Variants in WDFY4 observed in about 807,000 individuals in gnomAD.
WDFY4 encodes the protein WDFY family member 4.
WDFY4 carries 169 observed loss-of-function variants against 351.9 expected under a neutral mutation model. That is an observed-to-expected ratio of 0.48 (90% confidence interval 0.42 to 0.55). WDFY4 has a LOEUF of 0.55. WDFY4 is among the 20% of genes least tolerant of loss of function. WDFY4 has a pLI of 0.00. For synonymous variants in WDFY4, 1,622 were observed against 1,574.6 expected, an observed-to-expected ratio of 1.03 and a Z score of -0.71; for missense variants, 3,803 against 3,935.6, an observed-to-expected ratio of 0.97 and a Z score of 0.90.
intron 53 of WDFY4, among the ~76,000 whole-genome samples, chr10:48,962,574 G>A (rs760915429): frequency 3.3e-5 from 5 of 152,164 alleles, no homozygotes; most frequent in Admixed American, 1.3e-4. Context: ...TGCCAACCTG[G>A]GTCCCCCATT....
intron 11 of WDFY4, among the ~76,000 whole-genome samples, chr10:48,742,492 A>C (rs1031382725): frequency 1.3e-5 from 2 of 152,174 alleles, no homozygotes; most frequent in Non-Finnish European, 2.9e-5. Context: ...GGTTCATCCC[A>C]CTCATTTAGC....
chr10:48,743,361 C>T lies in WDFY4; in HGVS notation c.2272C>T (p.Pro758Ser), dbSNP rs2132418402. The T allele has an allele frequency of 1.9e-6, 3 of 1,551,658 alleles. No homozygotes were observed. Among genetic ancestry groups the T allele is most frequent in the Non-Finnish European group, 2.6e-6 (3 of 1,147,002 alleles). ...CTTTTCCTCCAGCGGCTCACTCCCA[C>T]CCCGGATACAGAGCTGCCTCCAGAT... The part of the protein sequence containing the change: ...TAFSSSGSLP[P>S]RIQSCLQILG... Residue 758 changes from proline (P) to serine (S), a missense_variant, in exon 12 of 62, where the codon CCC becomes TCC. Physicochemically the swap from Pro to Ser is moderately conservative, Grantham distance 74. Around this residue, in one of 3 missense-constraint regions of WDFY4, gnomAD observed 3,054 missense variants for 3,148.6 expected, o/e 0.97. Coordinates refer to ENST00000325239, the MANE Select transcript of WDFY4 (RefSeq NM_001394531.1).
At chr10:48,746,951 C>T (rs1235150079) in intron 12 of WDFY4, among the ~76,000 whole-genome samples, 2 of 152,198 alleles carry the variant, frequency 1.3e-5, no homozygotes, top group Non-Finnish European at 2.9e-5. Flanking sequence ...TACCTACATG[C>T]TTTCAATGTC....
At chr10:48,845,099 G>A (rs747267476) in intron 39 of WDFY4, among the ~76,000 whole-genome samples, 19 of 152,232 alleles carry the variant, frequency 1.2e-4, no homozygotes, top group Non-Finnish European at 2.2e-4. Context: ...TTTGAGAGCA[G>A]AGAGAGGCCC....
At chr10:48,867,446 C>A in intron 40 of WDFY4, 104 bp downstream of exon 40, 1 of 620,734 alleles carries the variant, frequency 1.6e-6, no homozygotes, top group Non-Finnish European at 2.4e-6. Flanking sequence ...GATTGCTCAC[C>A]AGGCTTGCAC....
chr10:48,903,158 T>C (rs1432763499), intron 47 of WDFY4, among the ~76,000 whole-genome samples: 1 of 152,088 alleles, frequency 6.6e-6, no homozygotes, highest in Non-Finnish European at 1.5e-5. Context: ...GTAAAGAGTG[T>C]GTCAGACCCA....
chr10:48,901,699 C>A, intron 46 of WDFY4, 102 bp from the exon 47 acceptor site: 3 of 1,270,876 alleles, frequency 2.4e-6, no homozygotes, highest in Non-Finnish European at 3.4e-6. Context: ...CGAGGGGGAG[C>A]AATAATGAGC....
intron 43 of WDFY4, among the ~76,000 whole-genome samples, chr10:48,887,374 G>A (rs12248178): frequency 0.18 from 26,710 of 152,242 alleles, 2,987 homozygotes; most frequent in African/African-American, 0.31. Flanking sequence ...TAATCTTCCT[G>A]ATAGTCCTGG....
intron 10 of WDFY4, among the ~76,000 whole-genome samples, chr10:48,735,225 C>T (rs2064615911): frequency 6.6e-6 from 1 of 152,130 alleles, no homozygotes; most frequent in Non-Finnish European, 1.5e-5. Context: ...GTTTTTATTC[C>T]ACATGGATTA....
intron 14 of WDFY4, 66 bp downstream of exon 14, chr10:48,774,738 G>A: frequency 1.3e-6 from 2 of 1,523,464 alleles, no homozygotes; most frequent in African/African-American, 1.4e-5. Context: ...GGCAGGGGTT[G>A]CACAATGGGC....
At chr10:48,944,556 G>A (rs540732723) in intron 49 of WDFY4, among the ~76,000 whole-genome samples, 24 of 152,366 alleles carry the variant, frequency 1.6e-4, no homozygotes, top group South Asian at 1.2e-3. Flanking sequence ...CCAGTCCTGC[G>A]TAGGGCTGCT....
At chr10:48,690,141 A>G (rs1424482583) in intron 1 of WDFY4, among the ~76,000 whole-genome samples, 4 of 152,254 alleles carry the variant, frequency 2.6e-5, no homozygotes, top group Non-Finnish European at 5.9e-5. Flanking sequence ...AAACAAAATC[A>G]TTGCAGCAGG....
At chr10:48,859,479 G>A (rs892912619) in intron 39 of WDFY4, among the ~76,000 whole-genome samples, 1 of 152,064 alleles carries the variant, frequency 6.6e-6, no homozygotes, top group Admixed American at 6.6e-5. Flanking sequence ...ATGACCATGC[G>A]ATTTTCTTCT....
rs867464830 is a variant in WDFY4, at chr10:48,757,774, T to G, written c.2460-2573T>G. 8.3e-4 allele frequency among the ~76,000 whole-genome samples: 127 copies of G among 152,186 alleles called. 1 individual carries two copies. The Middle Eastern group carries it at 0.01, about 12-fold the overall frequency. On this transcript the variant is annotated intron_variant, in intron 12 of 61. Transcript: ENST00000325239. ...CTCCTTTTTTGTCTCTCCTTTTTTT[T>G]TAGTGCTTTCAATAGGGACTGCAGT...
intron 3 of WDFY4, among the ~76,000 whole-genome samples, chr10:48,720,486 C>T (rs2064047593): frequency 6.6e-6 from 1 of 151,792 alleles, no homozygotes; most frequent in Admixed American, 6.6e-5. Flanking sequence ...TACAGAGACA[C>T]ATACACATAC....
At chr10:48,734,115 A>G in intron 10 of WDFY4, 80 bp downstream of exon 10, 1 of 1,279,064 alleles carries the variant, frequency 7.8e-7, no homozygotes, top group African/African-American at 1.5e-5. Flanking sequence ...CAGTGTTCAC[A>G]GGTTATACTC....
At chr10:48,790,373 C>T (rs1246406627) in intron 22 of WDFY4, among the ~76,000 whole-genome samples, 1 of 152,226 alleles carries the variant, frequency 6.6e-6, no homozygotes, top group African/African-American at 2.4e-5. Flanking sequence ...CCCTGCCCAG[C>T]AGGATCTAGA....
At chr10:48,805,524 C>T (rs2067224705) in intron 26 of WDFY4, 103 bp downstream of exon 26, 1 of 1,414,182 alleles carries the variant, frequency 7.1e-7, no homozygotes, top group Non-Finnish European at 9.3e-7. Context: ...CCCTGAATCA[C>T]TTGGAACCTT....
chr10:48,979,381 C>T (rs949405219), intron 60 of WDFY4, among the ~76,000 whole-genome samples: 1 of 152,210 alleles, frequency 6.6e-6, no homozygotes, highest in Admixed American at 6.5e-5. Context: ...TATTCCCCAG[C>T]CTGCTTACAA....
Sources: gnomAD v4.1 joint callset for allele counts (sites outside exome capture counted in the v4.1 genomes callset) on GRCh38, gnomAD v4.1.1 for gene constraint, gnomAD v4.1.1 regional missense constraint, MANE v1.5 for transcripts, NCBI Gene and HGNC (gene_info 2026-07-23, HGNC 2026-07-21) for gene names.